INSC: variants seen among roughly 807,000 people sequenced by gnomAD.
INSC encodes protein inscuteable homolog.
In INSC, 67 loss-of-function variants were observed where a neutral mutation model predicts 58.6. The ratio of observed to expected loss-of-function variants is 1.14; its 90% CI spans 0.94 to 1.40. INSC has a LOEUF of 1.40. Ranked by LOEUF, INSC falls within the 40% of genes most tolerant of loss-of-function variation. The probability of loss-of-function intolerance (pLI) is 0.00; values close to 1 mark genes in which losing one functional copy is unlikely to be tolerated. For synonymous variants in INSC, 262 were observed against 276.1 expected, an observed-to-expected ratio of 0.95 and a Z score of 0.51; for missense variants, 714 against 692.0, an observed-to-expected ratio of 1.03 and a Z score of -0.36.
At position 15,114,960 on chromosome 11, in the gene INSC, G is replaced by A. The variant is rs184399640; in HGVS notation, c.-89G>A. 2 of 985,460 alleles carry A rather than the reference G, an allele frequency of 2.0e-6. No individual in the cohort carries two copies. Among genetic ancestry groups the A allele is most frequent in the African/African-American group, 1.7e-5 (1 of 57,366 alleles). 61.0% of individuals were successfully genotyped at this position (985,460 alleles called of 1,614,324 possible). Reference sequence around the variant, plus strand: ...GCCTCTGGAGCTCCAGCTGCGCCCCGCCACCACTGGCCGCTCGCACTACCA... The same window carrying A: ...GCCTCTGGAGCTCCAGCTGCGCCCCACCACCACTGGCCGCTCGCACTACCA... On this transcript the variant is annotated 5_prime_UTR_variant, in exon 1 of 13. Transcript: ENST00000379556.
intron 1 of INSC, among the ~76,000 whole-genome samples, chr11:15,125,088 G>A (rs773028339): frequency 6.6e-6 from 1 of 152,190 alleles, no homozygotes; most frequent in Non-Finnish European, 1.5e-5. Flanking sequence ...GGGAGCTCCA[G>A]GGGTGGGAGG....
the INSC span, among the ~76,000 whole-genome samples, chr11:15,258,818 T>TA: frequency 1.3e-5 from 2 of 152,202 alleles, no homozygotes; most frequent in African/African-American, 2.4e-5. Flanking sequence ...TGCACACGTT[T>TA]AGCATAATAC....
At chr11:15,205,574 G>C (rs141077975) in intron 7 of INSC, among the ~76,000 whole-genome samples, 1 of 152,322 alleles carries the variant, frequency 6.6e-6, no homozygotes, top group Non-Finnish European at 1.5e-5. Context: ...AAAATGAATG[G>C]AAGGTTAGGG....
intron 12 of INSC, chr11:15,241,460 G>A: frequency 1.6e-6 from 1 of 644,668 alleles, no homozygotes; most frequent in Non-Finnish European, 2.8e-6. Flanking sequence ...GACCTGTCTT[G>A]GTTGTACCAT....
intron 7 of INSC, among the ~76,000 whole-genome samples, chr11:15,212,197 G>A (rs1447823645): frequency 6.6e-6 from 1 of 152,154 alleles, no homozygotes; most frequent in African/African-American, 2.4e-5. Context: ...CGCCTCCCGG[G>A]TTCAAGCGAT....
chr11:15,197,047 A>G (rs1850397582), intron 6 of INSC, among the ~76,000 whole-genome samples: 1 of 152,156 alleles, frequency 6.6e-6, no homozygotes, highest in Non-Finnish European at 1.5e-5. Flanking sequence ...TATGCTTTCT[A>G]ATCACCATCT....
chr11:15,114,586 G>A (rs147874083), upstream of INSC, among the ~76,000 whole-genome samples: 151 of 152,294 alleles, frequency 9.9e-4, 1 homozygote, highest in Non-Finnish European at 1.9e-3. Flanking sequence ...CCGCCTGGAC[G>A]GCTTCGCGGC....
intron 2 of INSC, among the ~76,000 whole-genome samples, chr11:15,166,812 T>C (rs879482470): frequency 6.6e-6 from 1 of 152,110 alleles, no homozygotes; most frequent in African/African-American, 2.4e-5. Flanking sequence ...GAGACACAGA[T>C]GGGAAGATGA....
At chr11:15,188,224 A>C (rs1263845994) in intron 5 of INSC, 2 of 985,286 alleles carry the variant, frequency 2.0e-6, no homozygotes, top group African/African-American at 3.5e-5. Flanking sequence ...ATAGTGTTAG[A>C]TGCGAAGGGA....
chr11:15,267,095 A>G, the INSC span, among the ~76,000 whole-genome samples: 1 of 152,034 alleles, frequency 6.6e-6, no homozygotes, highest in Non-Finnish European at 1.5e-5. Context: ...TGAGTCTGAA[A>G]AACTATTTCT....
intron 7 of INSC, among the ~76,000 whole-genome samples, chr11:15,212,517 CAT>C (rs1318322878): frequency 6.6e-6 from 1 of 152,242 alleles, no homozygotes; most frequent in Non-Finnish European, 1.5e-5. Flanking sequence ...CTCTCTACAT[CAT>C]ACAAACTGTC....
chr11:15,126,120 AG>A (rs1225390165), intron 1 of INSC, among the ~76,000 whole-genome samples: 1 of 152,202 alleles, frequency 6.6e-6, no homozygotes, highest in Non-Finnish European at 1.5e-5. Context: ...GGGGAGACAC[AG>A]GTTTTCAAGG....
intron 6 of INSC, among the ~76,000 whole-genome samples, chr11:15,198,586 T>A (rs1564898294): frequency 6.6e-6 from 1 of 152,152 alleles, no homozygotes; most frequent in Admixed American, 6.5e-5. Flanking sequence ...TCTCTCTCTC[T>A]CATCTATCTA....
At chr11:15,183,617 T>A (rs556474028) in intron 5 of INSC, among the ~76,000 whole-genome samples, 5 of 152,324 alleles carry the variant, frequency 3.3e-5, no homozygotes, top group African/African-American at 9.6e-5. Context: ...AATTGCTTTT[T>A]TAGGACACAC....
rs1010091684 is a variant in INSC at position 15,169,849 on chromosome 11, G to T, written c.57-5892G>T. ...TCCACACTCAGTTTCCCTGATTGCT[G>T]ACGTCTTATATTACCATGGCACATT... is the stretch of plus-strand genomic sequence containing the variant. On this transcript the variant is annotated intron_variant, in intron 2 of 12. Coordinates refer to ENST00000379556, the MANE Select transcript of INSC (RefSeq NM_001042536.3). Among the ~76,000 whole-genome samples, 5 of 152,248 alleles carry T rather than the reference G, an allele frequency of 3.3e-5. No homozygotes were observed. The South Asian group carries it at 1.0e-3, about 32-fold the overall frequency.
intron 3 of INSC, 133 bp from the exon 4 acceptor site, chr11:15,176,978 T>A: frequency 4.0e-6 from 3 of 754,592 alleles, no homozygotes; most frequent in Non-Finnish European, 7.1e-6. Flanking sequence ...CACACTGTGT[T>A]ATATTTTAAC....
chr11:15,252,015 G>A (rs1852655573), downstream of INSC, among the ~76,000 whole-genome samples: 1 of 152,164 alleles, frequency 6.6e-6, no homozygotes, highest in South Asian at 2.1e-4. Flanking sequence ...TTTTAAAAAT[G>A]TGATAAATCA....
the INSC span, among the ~76,000 whole-genome samples, chr11:15,255,716 A>C: frequency 7.0e-6 from 1 of 142,312 alleles, no homozygotes; most frequent in Non-Finnish European, 1.5e-5. Flanking sequence ...ATTTGTATGT[A>C]TGTATATGTA....
chr11:15,225,665 C>T lies in INSC; in HGVS notation c.1007C>T (p.Ala336Val), dbSNP rs1394444348. Residue 336 changes from alanine (A) to valine (V), a missense_variant, in exon 9 of 13, where the codon GCC (alanine) becomes GTC (valine). By Grantham distance (64) the Ala-to-Val change is moderately conservative. Coordinates refer to ENST00000379556, the MANE Select transcript of INSC (RefSeq NM_001042536.3). The stretch of plus-strand genomic sequence containing the variant: ...TGCCATCCAGAACTGTGCCAAGAGG[C>T]CTCATCAGGGGAAGTCTTCCTACTG... ...VTALVKLCQE[A>V]SSGEVFLLAS... The T allele has an allele frequency of 1.9e-5, 31 of 1,613,968 alleles. 1 individual carries two copies. Among genetic ancestry groups the T allele is most frequent in the Non-Finnish European group, 2.6e-5 (31 of 1,179,988 alleles).
Sources: allele counts gnomAD v4.1 joint callset (sites outside exome capture counted in the v4.1 genomes callset), GRCh38; gene constraint gnomAD v4.1.1; transcripts MANE v1.5; gene names NCBI Gene and HGNC (gene_info 2026-07-23, HGNC 2026-07-21).